PTPRD: variants seen among roughly 807,000 people sequenced by gnomAD.
PTPRD encodes the protein protein tyrosine phosphatase receptor type D, also known as receptor-type tyrosine-protein phosphatase delta.
A neutral mutation model predicts 214.5 loss-of-function variants in PTPRD; 34 were observed. That is an observed-to-expected ratio of 0.16 (90% CI 0.12 to 0.21). The LOEUF (loss-of-function observed/expected upper bound fraction) is 0.21, where lower values mean the gene tolerates loss of function less well. Among genes scored for constraint, PTPRD ranks in the 10% least tolerant of loss-of-function variants. The probability of loss-of-function intolerance (pLI) is 1.00; values close to 1 mark genes in which losing one functional copy is unlikely to be tolerated. For missense variants in PTPRD, 2,545 were observed against 2,398.7 expected (o/e 1.06, Z -1.27); for synonymous variants, 1,128 against 845.7 (o/e 1.33, Z -5.79).
At chr9:8,603,636 C>T (rs558260258) in intron 14 of PTPRD, among the ~76,000 whole-genome samples, 35 of 152,136 alleles carry the variant, frequency 2.3e-4, no homozygotes, top group Middle Eastern at 3.4e-3. Context: ...AGCAGTTAGA[C>T]GATTAATCAA....
intron 10 of PTPRD, among the ~76,000 whole-genome samples, chr9:9,179,271 A>G (rs1284845847): frequency 6.6e-6 from 1 of 152,174 alleles, no homozygotes; most frequent in African/African-American, 2.4e-5. Flanking sequence ...AATGTTATTT[A>G]TAACAAATTA....
chr9:9,535,940 T>C (rs561089770), intron 8 of PTPRD, among the ~76,000 whole-genome samples: 6 of 152,172 alleles, frequency 3.9e-5, no homozygotes, highest in Non-Finnish European at 7.4e-5. Context: ...TATTTGAATA[T>C]GCTTGTTTAA....
chr9:8,517,509 A>C (rs948449219), intron 21 of PTPRD, among the ~76,000 whole-genome samples: 5 of 152,216 alleles, frequency 3.3e-5, no homozygotes, highest in Non-Finnish European at 2.9e-5. Context: ...CTCTTTTGAG[A>C]CCACTCTACC....
At chr9:8,736,701 CCTT>C (rs1176963729) in intron 11 of PTPRD, among the ~76,000 whole-genome samples, 15 of 149,500 alleles carry the variant, frequency 1.0e-4, no homozygotes, top group Middle Eastern at 3.4e-3. Context: ...TAGATAGTCT[CCTT>C]TTTTTTTTTT....
At chr9:8,496,011 T>G (rs2097257934) in intron 26 of PTPRD, among the ~76,000 whole-genome samples, 1 of 152,208 alleles carries the variant, frequency 6.6e-6, no homozygotes, top group Non-Finnish European at 1.5e-5. Flanking sequence ...AGTTTACCTC[T>G]TAGCTCTATT....
rs181241067 is a variant in PTPRD at position 9,517,602 on chromosome 9, G to A, written c.-237+57130C>T. On this transcript the variant is annotated intron_variant, in intron 8 of 45. Transcript: ENST00000381196. Reference sequence around the variant, plus strand: ...AGAGTATTAGAAACACTGGCATGTGGCTTGAGATTCCCAGTGAAACATTAG... The same window carrying A: ...AGAGTATTAGAAACACTGGCATGTGACTTGAGATTCCCAGTGAAACATTAG... Among the ~76,000 whole-genome samples the A allele has an allele frequency of 1.2e-4, 18 of 152,124 alleles. 1 individual carries two copies. In the East Asian group the frequency reaches 3.1e-3, roughly 26 times the overall value.
At chr9:10,550,908 C>T (rs761479604) in intron 2 of PTPRD, among the ~76,000 whole-genome samples, 1 of 152,280 alleles carries the variant, frequency 6.6e-6, no homozygotes, top group African/African-American at 2.4e-5. Context: ...TTCCCATGGC[C>T]TTATTCACTT....
At position 10,155,915 on chromosome 9, in the gene PTPRD, T is replaced by C. The variant is rs116908767; in HGVS notation, c.-544-122125A>G. 4.5e-4 allele frequency among the ~76,000 whole-genome samples: 68 copies of C among 152,206 alleles called. No homozygotes were observed. In the East Asian group the frequency reaches 0.012, roughly 28 times the overall value. Reference sequence around the variant, plus strand: ...GGTGGCCTTAAGTTGTCTTTTTGTGTTGTGTCTCTGGCATGTTTGGATATC... The same window carrying C: ...GGTGGCCTTAAGTTGTCTTTTTGTGCTGTGTCTCTGGCATGTTTGGATATC... On this transcript the variant is annotated intron_variant, in intron 3 of 45. Coordinates refer to ENST00000381196, the MANE Select transcript of PTPRD (RefSeq NM_002839.4).
At chr9:8,849,273 T>C (rs1056602691) in intron 11 of PTPRD, among the ~76,000 whole-genome samples, 10 of 151,174 alleles carry the variant, frequency 6.6e-5, no homozygotes, top group Non-Finnish European at 1.3e-4. Context: ...CCTCTCGGGT[T>C]CATGCCATTC....
chr9:9,709,977 G>A (rs569974568), intron 7 of PTPRD, among the ~76,000 whole-genome samples: 11 of 151,878 alleles, frequency 7.2e-5, no homozygotes, highest in African/African-American at 2.2e-4. Flanking sequence ...GTCTGAAGGC[G>A]CTATAGTTCA....
chr9:8,946,891 A>G (rs971408438), intron 11 of PTPRD, among the ~76,000 whole-genome samples: 3 of 146,110 alleles, frequency 2.1e-5, no homozygotes, highest in Admixed American at 6.8e-5. Context: ...CTCTTTTTCT[A>G]TTGGTCTCTT....
chr9:9,375,816 G>GAT (rs2060629998), intron 9 of PTPRD, among the ~76,000 whole-genome samples: 1 of 152,028 alleles, frequency 6.6e-6, no homozygotes, highest in African/African-American at 2.4e-5. Context: ...TTGTTTAATG[G>GAT]ATATGAAAAG....
intron 2 of PTPRD, among the ~76,000 whole-genome samples, chr9:10,389,855 A>G (rs2098018713): frequency 6.6e-6 from 1 of 151,700 alleles, no homozygotes; most frequent in African/African-American, 2.4e-5. Flanking sequence ...TTTTTTTCTT[A>G]TCTTATTTGA....
chr9:9,394,332 T>C (rs965219362), intron 9 of PTPRD, among the ~76,000 whole-genome samples: 2 of 152,140 alleles, frequency 1.3e-5, no homozygotes, highest in East Asian at 1.9e-4. Flanking sequence ...GGGGAAGATA[T>C]TTTATTGCCT....
intron 2 of PTPRD, among the ~76,000 whole-genome samples, chr9:10,411,039 C>G (rs1481774968): frequency 1.3e-5 from 2 of 151,758 alleles, no homozygotes; most frequent in Non-Finnish European, 2.9e-5. Flanking sequence ...GAGCCTGGCA[C>G]ATGCTAAGAG....
chr9:9,740,413 A>T (rs1279360217), intron 6 of PTPRD, among the ~76,000 whole-genome samples: 1 of 150,490 alleles, frequency 6.6e-6, no homozygotes. Flanking sequence ...GCTGGAGTGC[A>T]GTGGCGTAAT....
At chr9:10,306,608 C>T (rs1039563351) in intron 3 of PTPRD, among the ~76,000 whole-genome samples, 2 of 152,040 alleles carry the variant, frequency 1.3e-5, no homozygotes, top group African/African-American at 2.4e-5. Context: ...AGCAGTTTCT[C>T]AATAAAAGTT....
intron 11 of PTPRD, among the ~76,000 whole-genome samples, chr9:8,786,438 CTCGCTCTG>C (rs2095976327): frequency 8.8e-6 from 1 of 114,258 alleles, no homozygotes; most frequent in Non-Finnish European, 1.6e-5. Flanking sequence ...GAGACAGAGT[CTCGCTCTG>C]TCGCCCAGCT....
rs77310584 is a variant in PTPRD at position 10,026,169 on chromosome 9, G to C, written c.-472+7549C>G. 8.1e-3 allele frequency among the ~76,000 whole-genome samples: 1,234 copies of C among 152,294 alleles called. 22 individuals carry two copies. The highest frequency in any genetic ancestry group is 0.028 in the African/African-American group (1,175 of 41,560). ...GCCAATGCCAGTTAACTAAAAATTTGAGTGCTCCTCATACAGTTCTTTCAC... is the reference window on the plus strand; with the variant it reads ...GCCAATGCCAGTTAACTAAAAATTTCAGTGCTCCTCATACAGTTCTTTCAC... On this transcript the variant is annotated intron_variant, in intron 4 of 45. Coordinates refer to ENST00000381196, the MANE Select transcript of PTPRD (RefSeq NM_002839.4).
Sources: allele counts gnomAD v4.1 joint callset (sites outside exome capture counted in the v4.1 genomes callset), GRCh38; gene constraint gnomAD v4.1.1; transcripts MANE v1.5; gene names NCBI Gene and HGNC (gene_info 2026-07-23, HGNC 2026-07-21).